SAMD5: variants seen among roughly 807,000 people sequenced by gnomAD.
SAMD5 encodes the protein sterile alpha motif domain containing 5.
Under a neutral mutation model 11.3 loss-of-function variants are expected in SAMD5, and 13 were observed. That is an observed-to-expected ratio of 1.15 (90% CI 0.75 to 1.83). The LOEUF is 1.83. Ranked by LOEUF, SAMD5 falls within the 40% of genes most tolerant of loss-of-function variation. The pLI is 0.00. For missense variants in SAMD5, 255 were observed against 239.1 expected (o/e 1.07, Z -0.44); for synonymous variants, 129 against 111.3 (o/e 1.16, Z -1.00).
the SAMD5 span, among the ~76,000 whole-genome samples, chr6:147,854,035 A>C: frequency 6.6e-6 from 1 of 152,238 alleles, no homozygotes; most frequent in Non-Finnish European, 1.5e-5. Context: ...TAGTCTAGAC[A>C]TGGGCATTTC....
At chr6:147,832,606 C>T in the SAMD5 span, among the ~76,000 whole-genome samples, 7 of 152,210 alleles carry the variant, frequency 4.6e-5, no homozygotes, top group African/African-American at 1.4e-4. Context: ...AGAAGTCACA[C>T]CCCGTTCCAG....
chr6:147,509,526 A>G (rs1788055200), intron 1 of SAMD5, 139 bp downstream of exon 1: 3 of 660,726 alleles, frequency 4.5e-6, no homozygotes, highest in Admixed American at 4.1e-5. Context: ...ACCCTTTTCT[A>G]TGTTCTTTCT....
At chr6:147,682,315 T>C (rs957627497) in intron 1 of SAMD5, among the ~76,000 whole-genome samples, 3 of 152,216 alleles carry the variant, frequency 2.0e-5, no homozygotes, top group African/African-American at 7.2e-5. Context: ...TGGTTTGTAG[T>C]CATTTCAAGT....
chr6:147,651,272 A>G (rs1790479667), intron 1 of SAMD5, among the ~76,000 whole-genome samples: 3 of 152,236 alleles, frequency 2.0e-5, no homozygotes, highest in African/African-American at 7.2e-5. Flanking sequence ...TTGTAGGAAC[A>G]GGAAGCCTTT....
chr6:147,779,534 C>T, the SAMD5 span, among the ~76,000 whole-genome samples: 4 of 149,106 alleles, frequency 2.7e-5, no homozygotes, highest in East Asian at 6.0e-4. Flanking sequence ...CTCACTCTGT[C>T]ACCCAGGCTG....
At chr6:147,826,504 G>T in the SAMD5 span, among the ~76,000 whole-genome samples, 8 of 152,248 alleles carry the variant, frequency 5.3e-5, no homozygotes, top group African/African-American at 1.7e-4. Flanking sequence ...TCTACTAATG[G>T]TTCTTCAGTC....
the SAMD5 span, among the ~76,000 whole-genome samples, chr6:147,865,094 C>T: frequency 6.6e-6 from 1 of 152,164 alleles, no homozygotes; most frequent in African/African-American, 2.4e-5. Context: ...TTCTTTTCTT[C>T]TGGGCATCTG....
chr6:147,907,845 T>A, the SAMD5 span, among the ~76,000 whole-genome samples: 2 of 152,382 alleles, frequency 1.3e-5, no homozygotes, highest in Admixed American at 1.3e-4. Flanking sequence ...TAATGATATT[T>A]TTTTACCTGT....
At chr6:147,882,210 T>C in the SAMD5 span, among the ~76,000 whole-genome samples, 122 of 152,282 alleles carry the variant, frequency 8.0e-4, no homozygotes, top group African/African-American at 2.6e-3. Context: ...TTGGTAGACA[T>C]AGAGTTAGAT....
chr6:147,735,662 T>C (rs1791789451), intron 1 of SAMD5, among the ~76,000 whole-genome samples: 1 of 152,192 alleles, frequency 6.6e-6, no homozygotes, highest in African/African-American at 2.4e-5. Context: ...ACTATTTTTT[T>C]TTTTTACATC....
the SAMD5 span, among the ~76,000 whole-genome samples, chr6:147,781,779 C>A: frequency 1.8e-4 from 12 of 65,850 alleles, no homozygotes; most frequent in African/African-American, 1.0e-3. Flanking sequence ...TGCGCACACA[C>A]ACACACACAC....
At chr6:147,509,931 A>G (rs1413754436) in intron 1 of SAMD5, among the ~76,000 whole-genome samples, 2 of 152,202 alleles carry the variant, frequency 1.3e-5, no homozygotes, top group South Asian at 2.1e-4. Context: ...TACCATTCAC[A>G]TGAGCATTTT....
the SAMD5 span, among the ~76,000 whole-genome samples, chr6:147,873,986 C>T: frequency 6.6e-6 from 1 of 152,170 alleles, no homozygotes. Context: ...TATTATATGT[C>T]TCTTGAGAAC....
At chr6:147,828,618 G>C in the SAMD5 span, among the ~76,000 whole-genome samples, 28 of 152,162 alleles carry the variant, frequency 1.8e-4, no homozygotes, top group African/African-American at 6.3e-4. Flanking sequence ...TCGAACTCCA[G>C]GTTCTTCAGC....
intron 1 of SAMD5, among the ~76,000 whole-genome samples, chr6:147,609,936 C>A (rs987742987): frequency 6.6e-6 from 1 of 151,982 alleles, no homozygotes; most frequent in Non-Finnish European, 1.5e-5. Context: ...TGAGATACAC[C>A]TGGATTTAAT....
chr6:147,699,961 G>A (rs940377614), intron 1 of SAMD5, among the ~76,000 whole-genome samples: 3 of 152,088 alleles, frequency 2.0e-5, no homozygotes, highest in Non-Finnish European at 4.4e-5. Context: ...CTGCTGATAC[G>A]CAGTACTAAT....
At chr6:147,716,874 T>G (rs1201618138) in intron 1 of SAMD5, among the ~76,000 whole-genome samples, 2 of 152,234 alleles carry the variant, frequency 1.3e-5, no homozygotes, top group Admixed American at 1.3e-4. Context: ...CCATTAAACT[T>G]TACTTGAATC....
chr6:147,541,810 T>C lies in SAMD5; in HGVS notation c.460-22584T>C, dbSNP rs182756466. On this transcript the variant is annotated intron_variant, in intron 1 of 1. Coordinates refer to ENST00000367474, the MANE Select transcript of SAMD5 (RefSeq NM_001030060.3). ...CGTCTGAGAAACCTCCTCAAAATCT[T>C]CCTGGTTGAGAAGTCTCCCAAACCA... Among the ~76,000 whole-genome samples the C allele has an allele frequency of 5.9e-5, 9 of 152,280 alleles. No individual in the cohort carries two copies. The East Asian group carries it at 1.4e-3, about 23-fold the overall frequency.
chr6:147,919,503 T>A, the SAMD5 span, among the ~76,000 whole-genome samples: 1 of 152,182 alleles, frequency 6.6e-6, no homozygotes, highest in East Asian at 1.9e-4. Flanking sequence ...GAGAATGAGA[T>A]TTATGACCCT....
Sources: gnomAD v4.1 joint callset for allele counts (sites outside exome capture counted in the v4.1 genomes callset) on GRCh38, gnomAD v4.1.1 for gene constraint, MANE v1.5 for transcripts, NCBI Gene and HGNC (gene_info 2026-07-23, HGNC 2026-07-21) for gene names.